The following RBFOX1 variants were observed in gnomAD, a reference collection of about 807,000 sequenced individuals.
The protein encoded by RBFOX1 is RNA binding fox-1 homolog 1.
A neutral mutation model predicts 57.7 loss-of-function variants in RBFOX1; 8 were observed. The observed-to-expected ratio is 0.14, with a 90% confidence interval of 0.08 to 0.25. The LOEUF (loss-of-function observed/expected upper bound fraction) is 0.25, where lower values mean the gene tolerates loss of function less well. RBFOX1 is among the 10% of genes least tolerant of loss of function. RBFOX1 has a pLI of 1.00. For missense variants in RBFOX1, 611 were observed against 548.5 expected, an observed-to-expected ratio of 1.11 and a Z score of -1.14; for synonymous variants, 326 against 222.4, an observed-to-expected ratio of 1.47 and a Z score of -4.15.
chr16:6,576,760 A>G (rs2097444389), intron 2 of RBFOX1, among the ~76,000 whole-genome samples: 1 of 152,210 alleles, frequency 6.6e-6, no homozygotes. Flanking sequence ...GATTTATGCT[A>G]GATAAAAGGA....
In RBFOX1 at chr16:5,569,539, TTCTCAGAATAGA is replaced by T. The variant is rs1437052184; in HGVS notation, c.259-29359_259-29348del. Among the ~76,000 whole-genome samples, 16 of 147,140 alleles carry T rather than the reference TTCTCAGAATAGA, an allele frequency of 1.1e-4. No homozygotes were observed. In the East Asian group the frequency reaches 3.1e-3, roughly 29 times the overall value. ...AAATTCAGCTCATCATCTCATTCGA[TTCTCAGAATAGA>T]TCTATGCGGTGGATACATACCATCC... On this transcript the variant is annotated intron_variant, in intron 2 of 2. Transcript: ENST00000585867.
intron 2 of RBFOX1, among the ~76,000 whole-genome samples, chr16:6,368,811 G>T (rs984404317): frequency 6.6e-6 from 1 of 152,168 alleles, no homozygotes; most frequent in Non-Finnish European, 1.5e-5. Flanking sequence ...TAGTAACATG[G>T]CTTGTGAAGG....
intron 1 of RBFOX1, among the ~76,000 whole-genome samples, chr16:6,168,703 G>C (rs941996779): frequency 6.6e-6 from 1 of 152,132 alleles, no homozygotes; most frequent in Non-Finnish European, 1.5e-5. Flanking sequence ...GGGGAGGGAA[G>C]GGGTCTTTTC....
intron 3 of RBFOX1, among the ~76,000 whole-genome samples, chr16:6,936,531 G>C (rs773373911): frequency 1.2e-4 from 18 of 152,114 alleles, no homozygotes; most frequent in Non-Finnish European, 2.1e-4. Context: ...AAAATGCTCT[G>C]GGGAGGATAT....
intron 4 of RBFOX1, among the ~76,000 whole-genome samples, chr16:7,150,806 C>G (rs757854465): frequency 3.9e-5 from 6 of 152,164 alleles, no homozygotes; most frequent in Non-Finnish European, 7.3e-5. Flanking sequence ...TTTACTCAAT[C>G]TATTGATGCT....
chr16:6,977,569 T>C (rs1484034222), intron 3 of RBFOX1, among the ~76,000 whole-genome samples: 3 of 151,996 alleles, frequency 2.0e-5, no homozygotes, highest in Non-Finnish European at 4.4e-5. Flanking sequence ...TGGACACACG[T>C]CTGTGGTTCC....
intron 3 of RBFOX1, among the ~76,000 whole-genome samples, chr16:6,931,587 A>G (rs9927492): frequency 0.018 from 2,775 of 152,226 alleles, 78 homozygotes; most frequent in African/African-American, 0.063. Context: ...CCTACAATGG[A>G]CAACATATCC....
At chr16:5,423,198 G>T (rs1212300145) in intron 1 of RBFOX1, among the ~76,000 whole-genome samples, 2 of 152,022 alleles carry the variant, frequency 1.3e-5, no homozygotes, top group Non-Finnish European at 2.9e-5. Context: ...AGAGTCCCAT[G>T]AATATTTTCC....
At chr16:5,624,787 T>A (rs75371983) in intron 3 of RBFOX1, among the ~76,000 whole-genome samples, 3,923 of 152,332 alleles carry the variant, frequency 0.026, 153 homozygotes, top group African/African-American at 0.088. Context: ...GAAGCTCATA[T>A]GCTGAGTGCC....
intron 9 of RBFOX1, among the ~76,000 whole-genome samples, chr16:7,599,445 T>G (rs936892418): frequency 1.7e-5 from 2 of 120,336 alleles, no homozygotes; most frequent in African/African-American, 5.0e-5. Flanking sequence ...GACTGAAAAC[T>G]AGACCTGTAG....
At chr16:5,672,210 C>G (rs2050032584) in intron 3 of RBFOX1, among the ~76,000 whole-genome samples, 1 of 152,138 alleles carries the variant, frequency 6.6e-6, no homozygotes, top group South Asian at 2.1e-4. Context: ...GTATTATATT[C>G]TCTTAGGTGA....
At chr16:5,587,542 G>T (rs145177859) in intron 2 of RBFOX1, among the ~76,000 whole-genome samples, 2 of 152,070 alleles carry the variant, frequency 1.3e-5, no homozygotes, top group African/African-American at 4.8e-5. Context: ...GTGAAACCCC[G>T]TCTCTACTAA....
intron 5 of RBFOX1, among the ~76,000 whole-genome samples, chr16:7,577,140 G>T (rs138096717): frequency 1.6e-4 from 25 of 152,298 alleles, no homozygotes; most frequent in African/African-American, 6.0e-4. Flanking sequence ...GTTTATTCGT[G>T]TACTAATAAT....
intron 3 of RBFOX1, among the ~76,000 whole-genome samples, chr16:7,025,824 A>T (rs963771429): frequency 2.0e-5 from 3 of 152,164 alleles, no homozygotes; most frequent in Non-Finnish European, 2.9e-5. Flanking sequence ...GAGCAGCCAT[A>T]TCTGACAGCA....
At chr16:6,964,908 C>T (rs908985192) in intron 3 of RBFOX1, among the ~76,000 whole-genome samples, 3 of 152,180 alleles carry the variant, frequency 2.0e-5, no homozygotes, top group Non-Finnish European at 2.9e-5. Flanking sequence ...TGACTTAAGC[C>T]AGGCTAATCC....
chr16:5,690,636 C>A (rs1330592220), intron 3 of RBFOX1, among the ~76,000 whole-genome samples: 1 of 152,150 alleles, frequency 6.6e-6, no homozygotes, highest in African/African-American at 2.4e-5. Flanking sequence ...TTACTTCCCT[C>A]TGAATTCCAA....
At chr16:5,533,629 C>G (rs955798249) in intron 2 of RBFOX1, among the ~76,000 whole-genome samples, 7 of 152,146 alleles carry the variant, frequency 4.6e-5, no homozygotes, top group African/African-American at 7.2e-5. Context: ...TATTATCACT[C>G]CTGATGAAGA....
At chr16:7,136,735 C>G (rs76116525) in intron 4 of RBFOX1, among the ~76,000 whole-genome samples, 1 of 152,076 alleles carries the variant, frequency 6.6e-6, no homozygotes, top group Non-Finnish European at 1.5e-5. Flanking sequence ...GGAAAATTAT[C>G]GGATAGTGCT....
intron 1 of RBFOX1, among the ~76,000 whole-genome samples, chr16:5,336,086 C>G (rs967233703): frequency 1.3e-5 from 2 of 152,110 alleles, no homozygotes; most frequent in African/African-American, 4.8e-5. Context: ...GGAGGTGTGG[C>G]TGCAGAGTCT....
Sources: allele counts gnomAD v4.1 joint callset (sites outside exome capture counted in the v4.1 genomes callset), GRCh38; gene constraint gnomAD v4.1.1; transcripts MANE v1.5; gene names NCBI Gene and HGNC (gene_info 2026-07-23, HGNC 2026-07-21).